Variants in RTKN2 observed in about 807,000 individuals in gnomAD.
RTKN2 encodes the protein rhotekin-2.
In RTKN2, 69 loss-of-function variants were observed where a neutral mutation model predicts 71.5. That is an observed-to-expected ratio of 0.96 (90% CI 0.79 to 1.18). The LOEUF is 1.18. RTKN2 is among the 50% of genes most tolerant of loss of function. The pLI, the probability that RTKN2 is intolerant of heterozygous loss-of-function variation, is 0.00. For synonymous variants in RTKN2, 236 were observed against 236.5 expected (o/e 1.00, Z 0.02); for missense variants, 724 against 719.7 (o/e 1.01, Z -0.07).
chr10:62,246,503 A>T (rs1250039093), intron 2 of RTKN2, among the ~76,000 whole-genome samples: 1 of 152,070 alleles, frequency 6.6e-6, no homozygotes, highest in Non-Finnish European at 1.5e-5. Context: ...TTATCCTTAT[A>T]GAATCTGATA....
intron 8 of RTKN2, among the ~76,000 whole-genome samples, chr10:62,186,132 G>T (rs917130431): frequency 7.9e-5 from 12 of 152,212 alleles, no homozygotes; most frequent in African/African-American, 2.9e-4. Flanking sequence ...GGGCTATCGT[G>T]CCTTTGCCTT....
intron 10 of RTKN2, 88 bp from the exon 11 acceptor site, chr10:62,199,949 G>T: frequency 1.2e-6 from 1 of 850,128 alleles, no homozygotes; most frequent in South Asian, 1.7e-5. Context: ...ATACATTTTT[G>T]CTTTGAATAA....
chr10:62,266,183 A>G (rs1037997683), intron 1 of RTKN2, among the ~76,000 whole-genome samples: 1 of 152,262 alleles, frequency 6.6e-6, no homozygotes, highest in African/African-American at 2.4e-5. Context: ...GCTATGAATG[A>G]AATAGGAGCA....
Position 62,198,008 on chromosome 10 carries a change from T to A in RTKN2, c.1730A>T (p.Asp577Val). Residue 577 changes from aspartate to valine, a missense_variant, in exon 12 of 12, where the codon GAC becomes GTC. Physicochemically the swap from Asp to Val is radical, Grantham distance 152 (BLOSUM62 -3). Coordinates refer to ENST00000373789, the MANE Select transcript of RTKN2 (RefSeq NM_145307.4). ...CTTGGCTTCAAAATTGGTTTTAGTGTCTGTGTGCTCACCATCACTTAATCT... is the reference window on the plus strand; with the variant it reads ...CTTGGCTTCAAAATTGGTTTTAGTGACTGTGTGCTCACCATCACTTAATCT... ...RNRLSDGEHTDTKTNFEAKPV... is the reference protein window; with the variant it reads ...RNRLSDGEHTVTKTNFEAKPV... The A allele has an allele frequency of 6.2e-7, 1 of 1,614,036 alleles. No homozygotes were observed. Among genetic ancestry groups the A allele is most frequent in the Non-Finnish European group, 8.5e-7 (1 of 1,179,926 alleles).
At chr10:62,234,992 T>C (rs1213217620) in intron 6 of RTKN2, among the ~76,000 whole-genome samples, 1 of 151,896 alleles carries the variant, frequency 6.6e-6, no homozygotes, top group East Asian at 1.9e-4. Flanking sequence ...ATCAGTCCTC[T>C]AGATCTAACT....
At chr10:62,185,813 G>A (rs943916250) in intron 8 of RTKN2, among the ~76,000 whole-genome samples, 5 of 152,194 alleles carry the variant, frequency 3.3e-5, no homozygotes, top group Non-Finnish European at 7.3e-5. Flanking sequence ...CTCCAAAACA[G>A]TATATCAGGT....
Position 62,193,962 on chromosome 10 carries a change from T to C in RTKN2, c.*3946A>G. 1 of 984,966 alleles carries C rather than the reference T, an allele frequency of 1.0e-6. No homozygotes were observed. The highest frequency in any genetic ancestry group is 1.2e-6 in the Non-Finnish European group (1 of 829,514). The allele number at this position is 984,966 out of a possible 1,614,324, so 61.0% of individuals were successfully genotyped here. The stretch of plus-strand genomic sequence containing the variant: ...ACTGTCTACTTCAATCAGTCTAGTC[T>C]AGAGGAGCACTTAAAGAGAAAAAGT... On this transcript the variant is annotated 3_prime_UTR_variant, in exon 12 of 12. Transcript: ENST00000373789.
At chr10:62,229,372 G>A (rs1404053414) in intron 6 of RTKN2, among the ~76,000 whole-genome samples, 3 of 152,172 alleles carry the variant, frequency 2.0e-5, no homozygotes, top group African/African-American at 7.2e-5. Flanking sequence ...TGAATTGAAA[G>A]AGGACAAGAT....
intron 8 of RTKN2, among the ~76,000 whole-genome samples, chr10:62,186,205 T>G (rs1369903529): frequency 6.6e-6 from 1 of 151,856 alleles, no homozygotes; most frequent in African/African-American, 2.4e-5. Context: ...TCTTAACGTA[T>G]ATGCTTTCAT....
intron 5 of RTKN2, chr10:62,239,015 T>C (rs1842316056): frequency 6.6e-6 from 1 of 152,008 alleles, no homozygotes; most frequent in South Asian, 2.1e-4. Context: ...ATGATTTCTA[T>C]GGCTACCCAA....
rs1564497992 is a variant in RTKN2 at position 62,198,429 on chromosome 10, T to C, written c.1309A>G (p.Met437Val). 3 of 1,504,206 alleles carry C rather than the reference T, an allele frequency of 2.0e-6. No individual in the cohort carries two copies. Among genetic ancestry groups the C allele is most frequent in the East Asian group, 2.3e-5 (1 of 44,004 alleles). 93.2% of individuals were successfully genotyped at this position (1,504,206 alleles called of 1,614,324 possible). The change falls in exon 12 of 12, where the codon ATG (methionine) becomes GTG (valine). Residue 437 changes from methionine to valine, a missense_variant. Physicochemically the swap from Met to Val is conservative, Grantham distance 21 (BLOSUM62 1). Transcript: ENST00000373789. Reference protein sequence around the residue: ...VYHDMSIDSPMKLESLTDIIQ... With the variant: ...VYHDMSIDSPVKLESLTDIIQ... Reference sequence around the variant, plus strand: ...ATATCCGTTAAACTTTCAAGTTTCATAGGTGAATCAATGCCTATAATAATT... The same window carrying C: ...ATATCCGTTAAACTTTCAAGTTTCACAGGTGAATCAATGCCTATAATAATT...
intron 2 of RTKN2, among the ~76,000 whole-genome samples, chr10:62,261,702 G>C (rs549962263): frequency 1.3e-5 from 2 of 152,138 alleles, no homozygotes; most frequent in South Asian, 4.2e-4. Flanking sequence ...TAGCTAATAA[G>C]GTTGGCTACT....
intron 8 of RTKN2, 29 bp downstream of exon 8, chr10:62,218,166 T>C (rs775446128): frequency 1.5e-6 from 2 of 1,350,254 alleles, no homozygotes; most frequent in Non-Finnish European, 2.1e-6. Flanking sequence ...AGAGCTACAA[T>C]TGTTGTAGGA....
intron 6 of RTKN2, among the ~76,000 whole-genome samples, chr10:62,234,064 G>A (rs976852865): frequency 2.0e-5 from 3 of 152,052 alleles, no homozygotes; most frequent in African/African-American, 7.2e-5. Context: ...AGTCTTGGCA[G>A]AAAAATACAA....
rs117045949 is a variant in RTKN2 at position 62,217,209 on chromosome 10, C to T, written c.929G>A (p.Cys310Tyr). ...ATAGAGTTTACCTCCTCGCAAAACA[C>T]AATACAACCTTCTCCAACTAATCAG... is the stretch of plus-strand genomic sequence containing the variant. ...EGLISWRRLYCVLRGGKLYCF... is the reference protein window; with the variant it reads ...EGLISWRRLYYVLRGGKLYCF... Residue 310 changes from cysteine to tyrosine, a missense_variant, in exon 9 of 12, where the codon TGT becomes TAT. Cys to Tyr is a radical substitution (Grantham distance 194). Transcript: ENST00000373789. 2,837 of 1,586,558 alleles carry T rather than the reference C, an allele frequency of 1.8e-3. 2 individuals are homozygous for T. Among genetic ancestry groups the T allele is most frequent in the Non-Finnish European group, 2.2e-3 (2,614 of 1,166,218 alleles).
In RTKN2 at chr10:62,195,678, A is replaced by C; in HGVS notation, c.*2230T>G. ...AGGAAGGAAGGAAGGAAGGAAACCAACTCTGTATTATAACTACACTCCTTA... is the reference window on the plus strand; with the variant it reads ...AGGAAGGAAGGAAGGAAGGAAACCACCTCTGTATTATAACTACACTCCTTA... On this transcript the variant is annotated 3_prime_UTR_variant, in exon 12 of 12. Transcript: ENST00000373789. 1.0e-6 allele frequency: 1 copy of C among 968,604 alleles called. No individual in the cohort carries two copies. The highest frequency in any genetic ancestry group is 4.8e-5 in the South Asian group (1 of 20,782). The allele number at this position is 968,604 out of a possible 1,614,324, so 60.0% of individuals were successfully genotyped here.
At chr10:62,189,182 A>G (rs1469885534), downstream of RTKN2, among the ~76,000 whole-genome samples, 1 of 146,918 alleles carries the variant, frequency 6.8e-6, no homozygotes, top group African/African-American at 2.5e-5. Flanking sequence ...TGTTGTGGGG[A>G]TCTTGTCCTG....
intron 2 of RTKN2, among the ~76,000 whole-genome samples, chr10:62,256,600 C>T (rs1842679954): frequency 6.6e-6 from 1 of 151,652 alleles, no homozygotes; most frequent in African/African-American, 2.4e-5. Context: ...GGTGTGTGTG[C>T]CATGTTGTCT....
At chr10:62,215,053 T>C (rs915229657) in intron 9 of RTKN2, 7 of 1,514,188 alleles carry the variant, frequency 4.6e-6, no homozygotes, top group Non-Finnish European at 6.3e-6. Flanking sequence ...ATATGGCGAG[T>C]TGAATTCCTT....
Sources: allele counts gnomAD v4.1 joint callset (sites outside exome capture counted in the v4.1 genomes callset), GRCh38; gene constraint gnomAD v4.1.1; transcripts MANE v1.5; gene names NCBI Gene and HGNC (gene_info 2026-07-23, HGNC 2026-07-21).